The following DNER variants were observed in gnomAD, a reference collection of about 807,000 sequenced individuals.
DNER encodes delta and Notch-like epidermal growth factor-related receptor.
In DNER, 33 loss-of-function variants were observed where a neutral mutation model predicts 78.2. The ratio of observed to expected loss-of-function variants is 0.42; its 90% CI spans 0.32 to 0.56. The LOEUF is 0.56. Ranked by LOEUF, DNER falls within the 20% of genes least tolerant of loss-of-function variation. The pLI, the probability that DNER is intolerant of heterozygous loss-of-function variation, is 0.11. For missense variants in DNER, 918 were observed against 975.3 expected (o/e 0.94, Z 0.78); for synonymous variants, 417 against 384.8 (o/e 1.08, Z -0.98).
At chr2:229,380,731 C>T (rs1251492408) in intron 11 of DNER, among the ~76,000 whole-genome samples, 1 of 152,028 alleles carries the variant, frequency 6.6e-6, no homozygotes, top group Non-Finnish European at 1.5e-5. Flanking sequence ...TCGAGACCAT[C>T]CTGGCCAACA....
intron 5 of DNER, among the ~76,000 whole-genome samples, chr2:229,527,734 T>A (rs940228919): frequency 2.6e-5 from 4 of 152,232 alleles, no homozygotes; most frequent in African/African-American, 9.6e-5. Flanking sequence ...AACTTTTTTT[T>A]AAGTTATTTT....
chr2:229,688,542 T>C (rs937927108), intron 1 of DNER, among the ~76,000 whole-genome samples: 2 of 152,168 alleles, frequency 1.3e-5, no homozygotes, highest in Non-Finnish European at 2.9e-5. Flanking sequence ...CGCTAGATAA[T>C]GGGCTTGATT....
intron 1 of DNER, among the ~76,000 whole-genome samples, chr2:229,664,059 G>T (rs1699051581): frequency 6.6e-6 from 1 of 152,070 alleles, no homozygotes; most frequent in Admixed American, 6.6e-5. Flanking sequence ...CATTATCCTT[G>T]CTCACATTTC....
At chr2:229,697,115 C>A (rs208783) in intron 1 of DNER, among the ~76,000 whole-genome samples, 128,806 of 152,166 alleles carry the variant, frequency 0.85, 54,728 homozygotes, top group East Asian at 0.94. Context: ...CAACAGATGA[C>A]TGGATAAACA....
intron 6 of DNER, among the ~76,000 whole-genome samples, chr2:229,491,950 T>TACAC (rs58442076): frequency 9.3e-4 from 139 of 149,788 alleles, no homozygotes; most frequent in African/African-American, 2.9e-3. Context: ...TTGCCATGAT[T>TACAC]ACACACACAC....
intron 11 of DNER, among the ~76,000 whole-genome samples, chr2:229,375,847 T>C (rs1415523994): frequency 6.6e-6 from 1 of 152,150 alleles, no homozygotes; most frequent in Non-Finnish European, 1.5e-5. Flanking sequence ...CCAAATCTCA[T>C]CTTGAATTGT....
chr2:229,418,298 C>A, intron 8 of DNER, 68 bp from the exon 9 acceptor site: 1 of 1,601,584 alleles, frequency 6.2e-7, no homozygotes, highest in Non-Finnish European at 8.5e-7. Flanking sequence ...GACCAGCCTG[C>A]AAGGAAGGCA....
chr2:229,697,922 G>A (rs969020534), intron 1 of DNER, among the ~76,000 whole-genome samples: 2 of 152,182 alleles, frequency 1.3e-5, no homozygotes, highest in African/African-American at 2.4e-5. Context: ...GGGCACATTG[G>A]TTCACGCCTG....
intron 5 of DNER, among the ~76,000 whole-genome samples, chr2:229,536,386 G>C (rs1696406249): frequency 6.6e-6 from 1 of 152,172 alleles, no homozygotes; most frequent in African/African-American, 2.4e-5. Context: ...CGAAACACTG[G>C]ATGAGAGAAT....
intron 1 of DNER, among the ~76,000 whole-genome samples, chr2:229,644,800 T>C (rs1698686470): frequency 6.6e-6 from 1 of 152,202 alleles, no homozygotes; most frequent in African/African-American, 2.4e-5. Flanking sequence ...GCTGAATTTA[T>C]GGCTCTAATT....
chr2:229,540,917 C>G (rs1696500272), intron 5 of DNER, among the ~76,000 whole-genome samples: 1 of 152,202 alleles, frequency 6.6e-6, no homozygotes, highest in Non-Finnish European at 1.5e-5. Flanking sequence ...AGGGAGTCTT[C>G]TCAGAGTGGA....
Position 229,567,838 on chromosome 2 carries a change from T to C in DNER, c.847+18020A>G, listed in dbSNP as rs976782049. Among the ~76,000 whole-genome samples the C allele has an allele frequency of 2.0e-5, 3 of 152,220 alleles. No individual in the cohort carries two copies. In the East Asian group the frequency reaches 5.8e-4, roughly 29 times the overall value. The stretch of plus-strand genomic sequence containing the variant: ...AGTAGGCTGAAAAGAGTCTCCCTTA[T>C]CTGTCCAGAACAGATTTTATTTATG... On this transcript the variant is annotated intron_variant, in intron 4 of 12. Coordinates refer to ENST00000341772, the MANE Select transcript of DNER (RefSeq NM_139072.4).
Position 229,387,374 on chromosome 2 carries a change from TAGATA to T in DNER, c.1855+886_1855+890del, listed in dbSNP as rs540308603. Among the ~76,000 whole-genome samples the T allele has an allele frequency of 2.0e-4, 31 of 151,818 alleles. No individual in the cohort carries two copies. The East Asian group carries it at 5.2e-3, about 26-fold the overall frequency. On this transcript the variant is annotated intron_variant, in intron 11 of 12. Coordinates refer to ENST00000341772, the MANE Select transcript of DNER (RefSeq NM_139072.4). ...ATAGCATTAGGAGAAATACGTAATG[TAGATA>T]ACAGGTTGATGGGTGCAGAAAACCA...
At chr2:229,679,421 G>T (rs1014560475) in intron 1 of DNER, among the ~76,000 whole-genome samples, 1 of 152,176 alleles carries the variant, frequency 6.6e-6, no homozygotes, top group African/African-American at 2.4e-5. Context: ...GAACTGTAAT[G>T]TGAACTTTCA....
chr2:229,697,070 A>G (rs1699673152), intron 1 of DNER, among the ~76,000 whole-genome samples: 1 of 152,236 alleles, frequency 6.6e-6, no homozygotes, highest in Non-Finnish European at 1.5e-5. Context: ...CACTATTCAC[A>G]ATAGCTAAAG....
chr2:229,665,117 T>C (rs573009335), intron 1 of DNER, among the ~76,000 whole-genome samples: 3 of 152,272 alleles, frequency 2.0e-5, no homozygotes, highest in Non-Finnish European at 2.9e-5. Context: ...GCAGGAAATA[T>C]AACAGCTGAG....
intron 8 of DNER, among the ~76,000 whole-genome samples, chr2:229,431,431 T>G (rs1487003372): frequency 6.6e-6 from 1 of 152,172 alleles, no homozygotes; most frequent in East Asian, 1.9e-4. Context: ...AGCTTTCTCT[T>G]GGAATTGGCT....
At chr2:229,438,205 T>G (rs746626425) in intron 8 of DNER, among the ~76,000 whole-genome samples, 2 of 152,218 alleles carry the variant, frequency 1.3e-5, no homozygotes, top group Non-Finnish European at 2.9e-5. Context: ...GTTGCGCTTC[T>G]CTGTGCTGGG....
At chr2:229,661,092 GT>G (rs945769548) in intron 1 of DNER, among the ~76,000 whole-genome samples, 15 of 152,140 alleles carry the variant, frequency 9.9e-5, no homozygotes, top group African/African-American at 3.6e-4. Flanking sequence ...TCAGGAAAGG[GT>G]TTTATCCTTT....
Sources: allele counts gnomAD v4.1 joint callset (sites outside exome capture counted in the v4.1 genomes callset), GRCh38; gene constraint gnomAD v4.1.1; transcripts MANE v1.5; gene names NCBI Gene and HGNC (gene_info 2026-07-23, HGNC 2026-07-21).